Variants in MSI2 observed in about 807,000 individuals in gnomAD.
MSI2 encodes musashi RNA binding protein 2.
In MSI2, 17 loss-of-function variants were observed where a neutral mutation model predicts 45.6. The ratio of observed to expected loss-of-function variants is 0.37; its 90% CI spans 0.26 to 0.56. MSI2 has a LOEUF of 0.56. Among genes scored for constraint, MSI2 ranks in the 20% least tolerant of loss-of-function variants. The probability of loss-of-function intolerance (pLI) is 0.77; values close to 1 mark genes in which losing one functional copy is unlikely to be tolerated. For synonymous variants in MSI2, 156 were observed against 158.2 expected (o/e 0.99, Z 0.11); for missense variants, 293 against 444.2 (o/e 0.66, Z 3.06).
intron 5 of MSI2, among the ~76,000 whole-genome samples, chr17:57,291,890 C>T (rs1910454715): frequency 6.6e-6 from 1 of 152,118 alleles, no homozygotes; most frequent in Non-Finnish European, 1.5e-5. Flanking sequence ...CTGAAGACCC[C>T]AGCCTCATTC....
intron 6 of MSI2, among the ~76,000 whole-genome samples, chr17:57,486,760 T>C (rs1388099952): frequency 6.6e-6 from 1 of 152,234 alleles, no homozygotes; most frequent in African/African-American, 2.4e-5. Context: ...AGAGCTCTTT[T>C]ATCTGCACTC....
intron 5 of MSI2, among the ~76,000 whole-genome samples, chr17:57,321,312 T>A (rs145240401): frequency 5.3e-5 from 8 of 151,834 alleles, no homozygotes; most frequent in African/African-American, 1.9e-4. Flanking sequence ...CAGAGAGGGA[T>A]GGTAATTATA....
At chr17:57,422,392 G>A (rs947796657) in intron 6 of MSI2, among the ~76,000 whole-genome samples, 2 of 152,048 alleles carry the variant, frequency 1.3e-5, no homozygotes, top group East Asian at 3.9e-4. Flanking sequence ...CCCAGGAGAC[G>A]GAGGTTGCAG....
intron 5 of MSI2, among the ~76,000 whole-genome samples, chr17:57,348,134 C>T (rs1044610544): frequency 6.6e-6 from 1 of 152,232 alleles, no homozygotes; most frequent in African/African-American, 2.4e-5. Context: ...ATGCTAAGTT[C>T]TGTGCATGCT....
At chr17:57,318,073 C>T (rs1331395694) in intron 5 of MSI2, among the ~76,000 whole-genome samples, 2 of 152,170 alleles carry the variant, frequency 1.3e-5, no homozygotes, top group African/African-American at 4.8e-5. Flanking sequence ...CGCTTAAACC[C>T]AGGAGGCGGA....
chr17:57,624,977 G>T (rs1908664002), intron 9 of MSI2, among the ~76,000 whole-genome samples: 2 of 152,156 alleles, frequency 1.3e-5, no homozygotes, highest in South Asian at 4.1e-4. Flanking sequence ...TCAAGGTGCT[G>T]GCTGATTCTG....
chr17:57,536,078 T>C (rs370628213), intron 7 of MSI2, among the ~76,000 whole-genome samples: 2 of 121,436 alleles, frequency 1.6e-5, no homozygotes, highest in East Asian at 5.2e-4. Context: ...ATTTGTTTAT[T>C]GGTGTCTATT....
intron 5 of MSI2, among the ~76,000 whole-genome samples, chr17:57,293,246 G>C (rs974911984): frequency 1.3e-5 from 2 of 152,150 alleles, no homozygotes; most frequent in Non-Finnish European, 2.9e-5. Context: ...AGAGACTCAG[G>C]GCCCTACTGT....
At chr17:57,455,532 C>T (rs1020727737) in intron 6 of MSI2, among the ~76,000 whole-genome samples, 2 of 152,298 alleles carry the variant, frequency 1.3e-5, no homozygotes, top group East Asian at 1.9e-4. Context: ...AGATTACAGC[C>T]GTTAAAAAGA....
intron 11 of MSI2, among the ~76,000 whole-genome samples, chr17:57,663,011 T>C (rs1277553618): frequency 6.6e-6 from 1 of 152,214 alleles, no homozygotes; most frequent in East Asian, 1.9e-4. Context: ...CGGGCGGGCT[T>C]CTCTGGGAAG....
intron 5 of MSI2, among the ~76,000 whole-genome samples, chr17:57,324,170 T>C (rs1224050759): frequency 6.6e-6 from 1 of 152,092 alleles, no homozygotes; most frequent in Non-Finnish European, 1.5e-5. Context: ...TTTTTTTCCC[T>C]CATTTTGCGG....
intron 5 of MSI2, among the ~76,000 whole-genome samples, chr17:57,344,803 C>T (rs1393256380): frequency 6.6e-6 from 1 of 152,180 alleles, no homozygotes; most frequent in Non-Finnish European, 1.5e-5. Context: ...GTGGCTTGCC[C>T]ATTCCACTAC....
At chr17:57,597,394 G>A (rs1001881585) in intron 8 of MSI2, among the ~76,000 whole-genome samples, 3 of 149,450 alleles carry the variant, frequency 2.0e-5, no homozygotes, top group Admixed American at 6.8e-5. Context: ...ACTTTAGAAG[G>A]CCAAGGCAGG....
At chr17:57,317,233 G>C (rs1399236717) in intron 5 of MSI2, among the ~76,000 whole-genome samples, 1 of 152,174 alleles carries the variant, frequency 6.6e-6, no homozygotes, top group Admixed American at 6.5e-5. Context: ...AGGGCATGGG[G>C]GTGGCAGCAT....
the MSI2 span, among the ~76,000 whole-genome samples, chr17:57,693,581 C>T: frequency 6.6e-6 from 1 of 152,232 alleles, no homozygotes; most frequent in African/African-American, 2.4e-5. Flanking sequence ...TTCCCTCTCT[C>T]TACTAAAACT....
chr17:57,406,085 T>C (rs2084076250), intron 6 of MSI2, among the ~76,000 whole-genome samples: 1 of 152,206 alleles, frequency 6.6e-6, no homozygotes, highest in East Asian at 1.9e-4. Context: ...GTTTTGTTCA[T>C]TTGTCAAAAA....
chr17:57,260,780 C>T (rs1022553367), intron 4 of MSI2, among the ~76,000 whole-genome samples: 1 of 152,104 alleles, frequency 6.6e-6, no homozygotes, highest in East Asian at 1.9e-4. Context: ...TTTAAGCCCC[C>T]GTAATAACAG....
chr17:57,456,753 T>C (rs1317656873), intron 6 of MSI2, among the ~76,000 whole-genome samples: 3 of 152,182 alleles, frequency 2.0e-5, no homozygotes, highest in African/African-American at 2.4e-5. Context: ...TAAATCTTCA[T>C]TGCAGATGTT....
At chr17:57,643,987 C>T (rs1047978565) in intron 10 of MSI2, among the ~76,000 whole-genome samples, 1 of 152,184 alleles carries the variant, frequency 6.6e-6, no homozygotes, top group Admixed American at 6.5e-5. Flanking sequence ...ACAGGTTCCA[C>T]GTGCCTGTCA....
Sources: allele counts gnomAD v4.1 joint callset (sites outside exome capture counted in the v4.1 genomes callset), GRCh38; gene constraint gnomAD v4.1.1; transcripts MANE v1.5; gene names NCBI Gene and HGNC (gene_info 2026-07-23, HGNC 2026-07-21).